The following RBFOX1 variants were observed in gnomAD, a reference collection of about 807,000 sequenced individuals.
The protein encoded by RBFOX1 is RNA binding protein fox-1 homolog 1.
In RBFOX1, 8 loss-of-function variants were observed where a neutral mutation model predicts 57.7. The ratio of observed to expected loss-of-function variants is 0.14; its 90% confidence interval spans 0.08 to 0.25. RBFOX1 has a LOEUF of 0.25. Ranked by LOEUF, RBFOX1 falls within the 10% of genes least tolerant of loss-of-function variation. The probability of loss-of-function intolerance (pLI) is 1.00; values close to 1 mark genes in which losing one functional copy is unlikely to be tolerated. For synonymous variants in RBFOX1, 326 were observed against 222.4 expected (o/e 1.47, Z -4.15); for missense variants, 611 against 548.5 (o/e 1.11, Z -1.14).
intron 5 of RBFOX1, among the ~76,000 whole-genome samples, chr16:7,572,635 C>T (rs186686485): frequency 1.6e-3 from 250 of 152,128 alleles, no homozygotes; most frequent in African/African-American, 5.9e-3. Flanking sequence ...GTCAGGAGAT[C>T]GAGACCATCC....
chr16:5,803,628 T>G (rs1379952929), intron 3 of RBFOX1, among the ~76,000 whole-genome samples: 1 of 152,124 alleles, frequency 6.6e-6, no homozygotes, highest in Non-Finnish European at 1.5e-5. Flanking sequence ...CTTGATGAAA[T>G]AGGGATGAAT....
At chr16:6,254,011 A>T (rs554928710) in intron 1 of RBFOX1, among the ~76,000 whole-genome samples, 2 of 152,256 alleles carry the variant, frequency 1.3e-5, no homozygotes, top group South Asian at 4.1e-4. Flanking sequence ...CATGACAAAC[A>T]TACACCAGGG....
intron 3 of RBFOX1, among the ~76,000 whole-genome samples, chr16:6,788,702 C>G (rs2082390359): frequency 6.6e-6 from 1 of 151,818 alleles, no homozygotes; most frequent in Non-Finnish European, 1.5e-5. Flanking sequence ...GTCTCTATCT[C>G]CTGATCTCGT....
At chr16:7,024,114 C>A (rs1202582291) in intron 3 of RBFOX1, among the ~76,000 whole-genome samples, 2 of 152,122 alleles carry the variant, frequency 1.3e-5, no homozygotes, top group Non-Finnish European at 2.9e-5. Context: ...ACTTGTGATG[C>A]ATTTTAATGA....
At chr16:6,547,371 G>T (rs1372356486) in intron 2 of RBFOX1, among the ~76,000 whole-genome samples, 2 of 152,008 alleles carry the variant, frequency 1.3e-5, no homozygotes, top group African/African-American at 4.8e-5. Flanking sequence ...TCCTTCCTGA[G>T]GATAATTAAC....
At chr16:6,252,512 TG>T (rs1380180594) in intron 1 of RBFOX1, among the ~76,000 whole-genome samples, 1 of 151,446 alleles carries the variant, frequency 6.6e-6, no homozygotes, top group Non-Finnish European at 1.5e-5. Flanking sequence ...GTAATTGAGT[TG>T]GGAAGTCGAC....
chr16:6,527,679 G>A (rs115930228), intron 2 of RBFOX1, among the ~76,000 whole-genome samples: 2,505 of 151,894 alleles, frequency 0.016, 67 homozygotes, highest in African/African-American at 0.055. Context: ...TATTTAAGGA[G>A]ACTGGAGAGC....
intron 3 of RBFOX1, among the ~76,000 whole-genome samples, chr16:6,885,618 G>A (rs2063834681): frequency 6.6e-6 from 1 of 151,838 alleles, no homozygotes; most frequent in Non-Finnish European, 1.5e-5. Flanking sequence ...TGCCACCTCT[G>A]CCTCCTGAGT....
At chr16:5,436,252 C>T (rs191403661) in intron 1 of RBFOX1, among the ~76,000 whole-genome samples, 1 of 152,192 alleles carries the variant, frequency 6.6e-6, no homozygotes, top group African/African-American at 2.4e-5. Context: ...TGTTCCTTTT[C>T]TTCAACAGTG....
intron 4 of RBFOX1, among the ~76,000 whole-genome samples, chr16:7,151,607 T>G (rs2076121421): frequency 6.6e-6 from 1 of 152,170 alleles, no homozygotes; most frequent in Non-Finnish European, 1.5e-5. Flanking sequence ...ATGGAGGGAA[T>G]GATTTCAGGA....
At chr16:6,120,193 C>T (rs531947509) in intron 1 of RBFOX1, among the ~76,000 whole-genome samples, 5 of 152,248 alleles carry the variant, frequency 3.3e-5, no homozygotes, top group East Asian at 1.9e-4. Context: ...TTAGCATTTG[C>T]GTTGTTTTCA....
At chr16:5,898,394 A>G (rs1437160036) in intron 4 of RBFOX1, among the ~76,000 whole-genome samples, 1 of 151,962 alleles carries the variant, frequency 6.6e-6, no homozygotes, top group Non-Finnish European at 1.5e-5. Context: ...GACCCAGAAG[A>G]TCTGGTGGGC....
chr16:7,172,891 C>T (rs1239366369), intron 4 of RBFOX1, among the ~76,000 whole-genome samples: 2 of 152,156 alleles, frequency 1.3e-5, no homozygotes, highest in Non-Finnish European at 2.9e-5. Flanking sequence ...ACTGACCTGC[C>T]ATGAGATTCC....
At chr16:5,588,524 C>T (rs892339533) in intron 2 of RBFOX1, among the ~76,000 whole-genome samples, 1 of 152,122 alleles carries the variant, frequency 6.6e-6, no homozygotes, top group Non-Finnish European at 1.5e-5. Context: ...GCAATCCAGG[C>T]ACTTCATCTT....
chr16:6,954,729 AG>A (rs1030480122), intron 3 of RBFOX1, among the ~76,000 whole-genome samples: 1 of 152,102 alleles, frequency 6.6e-6, no homozygotes, highest in African/African-American at 2.4e-5. Context: ...TGAGGAGATG[AG>A]CCCCAGAGAA....
intron 2 of RBFOX1, among the ~76,000 whole-genome samples, chr16:5,502,744 C>T (rs567658581): frequency 2.9e-4 from 44 of 152,316 alleles, no homozygotes; most frequent in Admixed American, 9.1e-4. Flanking sequence ...TCTGCAGAGT[C>T]TGCAGTGCAC....
At chr16:6,790,272 C>A (rs1188309112) in intron 3 of RBFOX1, among the ~76,000 whole-genome samples, 1 of 151,658 alleles carries the variant, frequency 6.6e-6, no homozygotes, top group Non-Finnish European at 1.5e-5. Flanking sequence ...GCAACCTCTG[C>A]CTCCAGGGTT....
At chr16:6,888,797 T>C (rs983921263) in intron 3 of RBFOX1, among the ~76,000 whole-genome samples, 2 of 152,172 alleles carry the variant, frequency 1.3e-5, no homozygotes, top group South Asian at 2.1e-4. Context: ...TTTCACCCTA[T>C]TGTGTTACCA....
intron 1 of RBFOX1, among the ~76,000 whole-genome samples, chr16:5,329,739 C>G (rs1041614568): frequency 2.6e-5 from 4 of 152,202 alleles, no homozygotes; most frequent in African/African-American, 9.7e-5. Context: ...GTGGCTTACG[C>G]CTGTAATCCC....
Sources: allele counts gnomAD v4.1 joint callset (sites outside exome capture counted in the v4.1 genomes callset), GRCh38; gene constraint gnomAD v4.1.1; transcripts MANE v1.5; gene names NCBI Gene and HGNC (gene_info 2026-07-23, HGNC 2026-07-21).